The following SLIT1 variants were observed in gnomAD, a reference collection of about 807,000 sequenced individuals.
The protein encoded by SLIT1 is slit homolog 1 protein.
Under a neutral mutation model 186.1 loss-of-function variants are expected in SLIT1, and 66 were observed. That is an observed-to-expected ratio of 0.35 (90% CI 0.29 to 0.44). The LOEUF is 0.44. Ranked by LOEUF, SLIT1 falls within the 20% of genes least tolerant of loss-of-function variation. SLIT1 has a pLI of 1.00. For missense variants in SLIT1, 1,638 were observed against 2,037.4 expected (o/e 0.80, Z 3.77); for synonymous variants, 761 against 833.8 (o/e 0.91, Z 1.50).
intron 4 of SLIT1, among the ~76,000 whole-genome samples, chr10:97,147,460 C>G (rs1004508101): frequency 6.6e-6 from 1 of 151,812 alleles, no homozygotes; most frequent in African/African-American, 2.4e-5. Flanking sequence ...AAAAGTGTTA[C>G]AAAGGAAAAA....
intron 25 of SLIT1, among the ~76,000 whole-genome samples, chr10:97,024,332 T>C (rs1848527148): frequency 6.6e-6 from 1 of 151,884 alleles, no homozygotes; most frequent in Non-Finnish European, 1.5e-5. Flanking sequence ...AGCTGCCCCG[T>C]GCCTGGGCGA....
intron 4 of SLIT1, among the ~76,000 whole-genome samples, chr10:97,150,059 A>T (rs1025429295): frequency 2.6e-5 from 4 of 152,190 alleles, no homozygotes; most frequent in South Asian, 4.2e-4. Flanking sequence ...AGCTAGTGAA[A>T]TTCCTTTCTG....
chr10:97,090,395 G>A (rs1849217626), intron 4 of SLIT1, among the ~76,000 whole-genome samples: 1 of 151,984 alleles, frequency 6.6e-6, no homozygotes, highest in Non-Finnish European at 1.5e-5. Context: ...AGGTGGGCAA[G>A]AGCTGGAAGT....
At chr10:97,127,030 C>T (rs1849609103) in intron 4 of SLIT1, among the ~76,000 whole-genome samples, 1 of 152,198 alleles carries the variant, frequency 6.6e-6, no homozygotes, top group African/African-American at 2.4e-5. Flanking sequence ...GTGGCTCATG[C>T]CTGTAATCCC....
chr10:97,021,193 A>G lies in SLIT1; in HGVS notation c.2746+57T>C, dbSNP rs1848499097. On this transcript the variant is annotated intron_variant, in intron 26 of 36. Transcript: ENST00000266058. This position sits in a 1 kb window ranked among gnomAD's most constrained non-coding sequence, Gnocchi z 4.5. The stretch of plus-strand genomic sequence containing the variant: ...CGCAGGCATGTTAGGAAGGCCCTGC[A>G]GTGTTGGGCAAGTTCTGTGAGCCCC... 2 of 1,550,718 alleles carry G rather than the reference A, an allele frequency of 1.3e-6. No homozygotes were observed. The highest frequency in any genetic ancestry group is 2.4e-5 in the South Asian group (2 of 82,774).
chr10:97,151,600 G>A (rs1182129723), intron 4 of SLIT1, among the ~76,000 whole-genome samples: 1 of 151,874 alleles, frequency 6.6e-6, no homozygotes, highest in Non-Finnish European at 1.5e-5. Context: ...GGAGGGGGTG[G>A]ATGGGTGAGG....
intron 11 of SLIT1, chr10:97,057,945 C>A (rs1197189226): frequency 1.4e-6 from 1 of 716,392 alleles, no homozygotes; most frequent in Non-Finnish European, 2.6e-6. Flanking sequence ...ACCCCACAAG[C>A]TACCCTCGTA....
At chr10:97,151,242 G>A (rs1849875129) in intron 4 of SLIT1, among the ~76,000 whole-genome samples, 1 of 152,170 alleles carries the variant, frequency 6.6e-6, no homozygotes, top group Non-Finnish European at 1.5e-5. Context: ...GTGGGTGGGT[G>A]AGTAGAAGAT....
At chr10:97,172,843 A>G (rs568788605) in intron 1 of SLIT1, among the ~76,000 whole-genome samples, 1 of 152,186 alleles carries the variant, frequency 6.6e-6, no homozygotes, top group South Asian at 2.1e-4. Context: ...GCAATGAGCT[A>G]TGATTGCACC....
In SLIT1 at chr10:97,060,694, C is replaced by T. The variant is rs763335237; in HGVS notation, c.887G>A (p.Arg296His). 2.5e-6 allele frequency: 4 copies of T among 1,613,732 alleles called. No individual in the cohort carries two copies. The highest frequency in any genetic ancestry group is 1.3e-5 in the African/African-American group (1 of 75,064). Residue 296 changes from arginine to histidine, a missense_variant, in exon 9 of 37, where the codon CGT (arginine) becomes CAT (histidine). Physicochemically the swap from Arg to His is conservative, Grantham distance 29. Transcript: ENST00000266058. The stretch of plus-strand genomic sequence containing the variant: ...CGGGATGGCAGTGAGGCCTTTTCCA[C>T]GACAGTCCACGATGCCATTGCTGCA... ...CTCSNGIVDC[R>H]GKGLTAIPAN...
rs542355362 is a variant in SLIT1, at chr10:97,033,485, A to T, written c.2438+986T>A. ...TGTTCAGAGGGTCACCGCTCACAAC[A>T]ATCCAAACTGGAAACAACCTCAATA... On this transcript the variant is annotated intron_variant, in intron 23 of 36. Transcript: ENST00000266058. Among the ~76,000 whole-genome samples the T allele has an allele frequency of 2.9e-4, 44 of 152,350 alleles. 1 individual carries two copies. In the South Asian group the frequency reaches 8.9e-3, roughly 31 times the overall value.
In SLIT1 at chr10:97,002,760, A is replaced by G. The variant is rs764294251; in HGVS notation, c.4098T>C (p.Ala1366=). 2 of 1,610,858 alleles carry G rather than the reference A, an allele frequency of 1.2e-6. No individual in the cohort carries two copies. The highest frequency in any genetic ancestry group is 3.3e-5 in the Admixed American group (2 of 59,932). Reference sequence around the variant, plus strand: ...GGTCACAGTGCAGGCCCACCCAGCCAGCCTCGCAGTGGCACATGGGCCCTG... The same window carrying G: ...GGTCACAGTGCAGGCCCACCCAGCCGGCCTCGCAGTGGCACATGGGCCCTG... ...ATPGPMCHCE[A]GWVGLHCDQP... is the part of the protein sequence containing the mutation. Residue 1366 remains alanine, a synonymous_variant, in exon 35 of 37, where the codon GCT becomes GCC. Transcript: ENST00000266058.
intron 2 of SLIT1, among the ~76,000 whole-genome samples, chr10:97,164,274 G>A: frequency 1.4e-5 from 1 of 70,864 alleles, no homozygotes; most frequent in East Asian, 7.6e-4. Flanking sequence ...ATGACGTTGG[G>A]GGCAGGGCAG....
In SLIT1 at chr10:97,060,090, C is replaced by T; in HGVS notation, c.1010G>A (p.Arg337Lys). Residue 337 changes from arginine to lysine, a missense_variant, in exon 10 of 37, where the codon AGG becomes AAG. Around this residue, in one of 3 missense-constraint regions of SLIT1, gnomAD observed 1,245 missense variants for 1,535.3 expected, o/e 0.81. Coordinates refer to ENST00000266058, the MANE Select transcript of SLIT1 (RefSeq NM_003061.3). ...GGAAGCAGTGGGAGGCACTCACATC[C>T]TCCGTAGCTTTCTGTAGGGTGAGAA... ...GAFSPYRKLRRIDLSNNQIAE... is the reference protein window; with the variant it reads ...GAFSPYRKLRKIDLSNNQIAE... The T allele has an allele frequency of 1.2e-6, 2 of 1,613,046 alleles. No homozygotes were observed. Among genetic ancestry groups the T allele is most frequent in the East Asian group, 2.2e-5 (1 of 44,874 alleles).
chr10:97,088,791 G>T (rs138040299), intron 4 of SLIT1, among the ~76,000 whole-genome samples: 24 of 152,268 alleles, frequency 1.6e-4, no homozygotes, highest in African/African-American at 5.3e-4. Context: ...TGACAGGATC[G>T]CAGGGGCCCA....
chr10:97,073,755 G>A (rs1040389683), intron 4 of SLIT1, among the ~76,000 whole-genome samples: 7 of 152,152 alleles, frequency 4.6e-5, no homozygotes, highest in East Asian at 1.9e-4. Context: ...CACTTAAATC[G>A]TGTGGTCTCG....
At chr10:97,130,373 C>T (rs1849641856) in intron 4 of SLIT1, among the ~76,000 whole-genome samples, 1 of 152,110 alleles carries the variant, frequency 6.6e-6, no homozygotes, top group Non-Finnish European at 1.5e-5. Context: ...TGTTCATCCA[C>T]GGATAAATGG....
rs763706854 is a variant in SLIT1, at chr10:97,034,457, C to G, written c.2438+14G>C. 1 of 1,606,652 alleles carries G rather than the reference C, an allele frequency of 6.2e-7. No individual in the cohort carries two copies. Among genetic ancestry groups the G allele is most frequent in the South Asian group, 1.1e-5 (1 of 90,922 alleles). ...GGCCCCGGGGCCCCCCACCCCAGCC[C>G]TGCTGGGACTCACAGAGTGGTCAGC... On this transcript the variant is annotated intron_variant, in intron 23 of 36. Coordinates refer to ENST00000266058, the MANE Select transcript of SLIT1 (RefSeq NM_003061.3).
chr10:97,045,678 T>C (rs990138181), intron 18 of SLIT1, among the ~76,000 whole-genome samples: 5 of 152,194 alleles, frequency 3.3e-5, no homozygotes, highest in African/African-American at 1.2e-4. Flanking sequence ...AGGAACAGCC[T>C]GGAAAGAAGG....
Sources: gnomAD v4.1 joint callset for allele counts (sites outside exome capture counted in the v4.1 genomes callset) on GRCh38, gnomAD v4.1.1 for gene constraint, gnomAD v4.1.1 regional missense constraint, Gnocchi (gnomAD v3.1) non-coding constraint, MANE v1.5 for transcripts, NCBI Gene and HGNC (gene_info 2026-07-23, HGNC 2026-07-21) for gene names.